Variants in CMSS1 observed in about 807,000 individuals in gnomAD.
CMSS1 encodes the protein protein CMSS1.
In CMSS1, 33 loss-of-function variants were observed where a neutral mutation model predicts 43.5. The observed-to-expected ratio is 0.76, with a 90% CI of 0.57 to 1.01. CMSS1 has a LOEUF of 1.01. CMSS1 is among the 50% of genes least tolerant of loss of function. CMSS1 has a pLI of 0.00. For synonymous variants in CMSS1, 115 were observed against 117.2 expected (o/e 0.98, Z 0.12); for missense variants, 313 against 326.4 (o/e 0.96, Z 0.32).
At chr3:99,989,308 T>C (rs1000525023) in intron 1 of CMSS1, among the ~76,000 whole-genome samples, 1 of 152,236 alleles carries the variant, frequency 6.6e-6, no homozygotes, top group African/African-American at 2.4e-5. Context: ...TGACTGCATG[T>C]CTAGGATTCT....
At chr3:99,955,424 T>A (rs1038648885) in intron 1 of CMSS1, among the ~76,000 whole-genome samples, 2 of 152,204 alleles carry the variant, frequency 1.3e-5, no homozygotes, top group African/African-American at 4.8e-5. Flanking sequence ...CGAAGGCATT[T>A]AAGAAAATAT....
rs186672288 is a variant in CMSS1, at chr3:100,119,047, G to C, written c.65-27926G>C. Among the ~76,000 whole-genome samples the C allele has an allele frequency of 3.5e-3, 537 of 152,104 alleles. 2 individuals are homozygous for C. The highest frequency in any genetic ancestry group is 0.012 in the African/African-American group (511 of 41,530). On this transcript the variant is annotated intron_variant, in intron 1 of 9. Coordinates refer to ENST00000421999, the MANE Select transcript of CMSS1 (RefSeq NM_032359.4). ...TCCTCCTCTGTGAAGGTTTTGCACT[G>C]AAAAAGATGTCTTAGTTCTATTTTA... is the stretch of plus-strand genomic sequence containing the variant.
At position 99,849,790 on chromosome 3, in the gene CMSS1, G is replaced by C. The variant is rs79320113; in HGVS notation, c.64+31747G>C. The C allele has an allele frequency of 2.8e-4, 446 of 1,613,456 alleles. 1 individual carries two copies. The African/African-American group carries it at 5.2e-3, about 19-fold the overall frequency. On this transcript the variant is annotated intron_variant, in intron 1 of 9. Coordinates refer to ENST00000421999, the MANE Select transcript of CMSS1 (RefSeq NM_032359.4). ...CAGTTTCAGTCTTTCCACTTCTTGA[G>C]AGAGCTCCTTAATCTTATTGTTTTC...
At chr3:99,898,758 T>G (rs971075902) in intron 1 of CMSS1, 5 of 114,894 alleles carry the variant, frequency 4.4e-5, no homozygotes, top group African/African-American at 1.7e-4. Flanking sequence ...AGAGCTAGAC[T>G]CCATCTAAAA....
chr3:100,000,015 C>T (rs758421174), intron 1 of CMSS1, among the ~76,000 whole-genome samples: 16 of 152,162 alleles, frequency 1.1e-4, no homozygotes, highest in Non-Finnish European at 2.2e-4. Flanking sequence ...ATACCAGACT[C>T]CACCTCCAGA....
chr3:99,960,335 A>G (rs1302451939), intron 1 of CMSS1, among the ~76,000 whole-genome samples: 1 of 152,168 alleles, frequency 6.6e-6, no homozygotes, highest in East Asian at 1.9e-4. Flanking sequence ...CGAGGGCTCC[A>G]AAAAGTTAAG....
chr3:99,974,543 C>G (rs1391072137), intron 1 of CMSS1, among the ~76,000 whole-genome samples: 2 of 152,078 alleles, frequency 1.3e-5, no homozygotes, highest in Non-Finnish European at 2.9e-5. Context: ...AACCCCGTCT[C>G]TACTAAAAAT....
At chr3:100,076,937 G>C (rs1223690103) in intron 1 of CMSS1, among the ~76,000 whole-genome samples, 2 of 152,206 alleles carry the variant, frequency 1.3e-5, no homozygotes, top group East Asian at 3.8e-4. Context: ...TCAAATTACA[G>C]TTCCTGCAAG....
At chr3:100,014,869 C>CT (rs1559725848) in intron 1 of CMSS1, among the ~76,000 whole-genome samples, 2 of 18,526 alleles carry the variant, frequency 1.1e-4, no homozygotes, top group Admixed American at 4.8e-4. Context: ...TTGTCTTTTT[C>CT]TTTTCTTTTT....
intron 1 of CMSS1, among the ~76,000 whole-genome samples, chr3:100,128,762 T>C (rs544989807): frequency 6.6e-6 from 1 of 152,360 alleles, no homozygotes; most frequent in African/African-American, 2.4e-5. Flanking sequence ...ATACAGGATG[T>C]ACTTCATCAT....
chr3:100,139,201 G>A (rs2066781470), intron 1 of CMSS1, among the ~76,000 whole-genome samples: 1 of 152,064 alleles, frequency 6.6e-6, no homozygotes, highest in South Asian at 2.1e-4. Flanking sequence ...TTGGGTGAGG[G>A]GTGAAGGGAG....
intron 1 of CMSS1, among the ~76,000 whole-genome samples, chr3:100,062,119 TTTTTTTTTTTG>T: frequency 1.0e-5 from 1 of 99,026 alleles, no homozygotes; most frequent in South Asian, 3.9e-4. Context: ...TTTTTTTTTT[TTTTTTTTTTTG>T]AGACGGAGTG....
chr3:99,854,141 G>A (rs146187077), intron 1 of CMSS1, among the ~76,000 whole-genome samples: 26 of 152,236 alleles, frequency 1.7e-4, no homozygotes, highest in African/African-American at 5.3e-4. Context: ...GAAGTTTGAG[G>A]CTAGTTTTTG....
intron 6 of CMSS1, among the ~76,000 whole-genome samples, chr3:100,170,514 CATT>C (rs879824801): frequency 3.3e-5 from 5 of 152,110 alleles, no homozygotes; most frequent in Admixed American, 6.6e-5. Context: ...TGTTGGGAAA[CATT>C]ATCAGTTGCC....
chr3:99,866,056 C>T (rs1210553829), intron 1 of CMSS1, among the ~76,000 whole-genome samples: 2 of 152,032 alleles, frequency 1.3e-5, no homozygotes, highest in African/African-American at 2.4e-5. Context: ...CTCTACTCTT[C>T]GTTGGGCTGC....
intron 1 of CMSS1, among the ~76,000 whole-genome samples, chr3:99,906,921 G>A (rs1706636217): frequency 6.6e-6 from 1 of 152,222 alleles, no homozygotes; most frequent in South Asian, 2.1e-4. Flanking sequence ...TATTGATCAT[G>A]TGGATGAAGA....
intron 1 of CMSS1, chr3:99,929,937 C>T: frequency 6.2e-7 from 1 of 1,614,138 alleles, no homozygotes; most frequent in Non-Finnish European, 8.5e-7. Context: ...GAGCCTCTAA[C>T]ACCTTTTTTG....
chr3:99,969,307 TCTTGAG>T (rs1198175535), intron 1 of CMSS1, among the ~76,000 whole-genome samples: 1 of 152,214 alleles, frequency 6.6e-6, no homozygotes, highest in African/African-American at 2.4e-5. Flanking sequence ...TTGTTTGGGC[TCTTGAG>T]CAATATGACA....
intron 1 of CMSS1, among the ~76,000 whole-genome samples, chr3:100,048,441 C>A (rs1263309579): frequency 6.6e-6 from 1 of 152,056 alleles, no homozygotes; most frequent in Non-Finnish European, 1.5e-5. Context: ...CCAGCTCTTC[C>A]CTGCAGCTGT....
Sources: allele counts gnomAD v4.1 joint callset (sites outside exome capture counted in the v4.1 genomes callset), GRCh38; gene constraint gnomAD v4.1.1; transcripts MANE v1.5; gene names NCBI Gene and HGNC (gene_info 2026-07-23, HGNC 2026-07-21).